Variants in TMEM123 observed in about 807,000 individuals in gnomAD.
The protein encoded by TMEM123 is transmembrane protein 123, also known as porimin.
Under a neutral mutation model 19.7 loss-of-function variants are expected in TMEM123, and 16 were observed. The observed-to-expected ratio is 0.81, with a 90% CI of 0.55 to 1.23. The LOEUF (loss-of-function observed/expected upper bound fraction) is 1.23. TMEM123 is among the 50% of genes most tolerant of loss of function. The probability of loss-of-function intolerance (pLI) is 0.00; values close to 1 mark genes in which losing one functional copy is unlikely to be tolerated. For synonymous variants in TMEM123, 118 were observed against 99.4 expected (o/e 1.19, Z -1.12); for missense variants, 313 against 257.8 (o/e 1.21, Z -1.47).
At chr11:102,400,693 A>G (rs1951905182) in intron 4 of TMEM123, among the ~76,000 whole-genome samples, 1 of 152,216 alleles carries the variant, frequency 6.6e-6, no homozygotes, top group Non-Finnish European at 1.5e-5. Flanking sequence ...CGTGAACAGA[A>G]TTAATACCCT....
intron 2 of TMEM123, 63 bp downstream of exon 2, chr11:102,448,749 C>G: frequency 6.6e-7 from 1 of 1,515,648 alleles, no homozygotes; most frequent in East Asian, 2.3e-5. Flanking sequence ...ACTTCCCTGG[C>G]TGTTATTACT....
intron 2 of TMEM123, among the ~76,000 whole-genome samples, chr11:102,415,940 A>C (rs942548874): frequency 2.6e-5 from 4 of 151,918 alleles, no homozygotes; most frequent in African/African-American, 9.7e-5. Flanking sequence ...TTTGAGATGG[A>C]GTCTTGCTCT....
intron 2 of TMEM123, among the ~76,000 whole-genome samples, chr11:102,439,684 C>G (rs1004897897): frequency 2.0e-5 from 3 of 152,200 alleles, no homozygotes; most frequent in Non-Finnish European, 4.4e-5. Flanking sequence ...CAGAACAAAG[C>G]TGGACGGAGA....
At chr11:102,439,730 CGATCG>C (rs1302018904) in intron 2 of TMEM123, among the ~76,000 whole-genome samples, 1 of 152,142 alleles carries the variant, frequency 6.6e-6, no homozygotes, top group Non-Finnish European at 1.5e-5. Context: ...AGGCTTCAGA[CGATCG>C]GTAATAACAA....
In TMEM123 at chr11:102,401,531, A is replaced by T; in HGVS notation, c.602+8T>A. ...TTTTTTAAAAAGTCCTGGCCATTCA[A>T]AACTTACATGGTTCGATACCGAATG... On this transcript the variant is annotated splice_region_variant and intron_variant, in intron 4 of 4. Coordinates refer to ENST00000398136, the MANE Select transcript of TMEM123 (RefSeq NM_052932.3). 1 of 1,556,618 alleles carries T rather than the reference A, an allele frequency of 6.4e-7. No individual in the cohort carries two copies. Among genetic ancestry groups the T allele is most frequent in the Non-Finnish European group, 8.6e-7 (1 of 1,161,484 alleles).
At chr11:102,451,954 G>A (rs1418719159) in intron 1 of TMEM123, among the ~76,000 whole-genome samples, 1 of 152,208 alleles carries the variant, frequency 6.6e-6, no homozygotes, top group Admixed American at 6.5e-5. Flanking sequence ...GCGAGGGCGG[G>A]GCGCGCTCCC....
chr11:102,407,142 A>T (rs1008583893), intron 2 of TMEM123, among the ~76,000 whole-genome samples: 2 of 152,216 alleles, frequency 1.3e-5, no homozygotes, highest in African/African-American at 4.8e-5. Flanking sequence ...GCCTGATTCC[A>T]TAAGGGTGGC....
intron 2 of TMEM123, among the ~76,000 whole-genome samples, chr11:102,425,416 G>A (rs1353826366): frequency 6.6e-6 from 1 of 152,092 alleles, no homozygotes; most frequent in African/African-American, 2.4e-5. Flanking sequence ...CTTCTTTTGA[G>A]CATAGACCCA....
At chr11:102,404,921 TAACTGTC>T (rs1259597762) in intron 2 of TMEM123, among the ~76,000 whole-genome samples, 23 of 152,216 alleles carry the variant, frequency 1.5e-4, no homozygotes, top group African/African-American at 5.3e-4. Context: ...ATTTTTGACT[TAACTGTC>T]AAAACAAGTT....
In TMEM123 at chr11:102,452,752, C is replaced by T. The variant is rs762045613; in HGVS notation, c.-129G>A. 63 of 680,844 alleles carry T rather than the reference C, an allele frequency of 9.3e-5. No individual in the cohort carries two copies. Among genetic ancestry groups the T allele is most frequent in the Admixed American group, 4.4e-5 (1 of 22,814 alleles). The allele number at this position is 680,844 out of a possible 1,614,324, so 42.2% of individuals were successfully genotyped here. A position where few individuals can be genotyped will look rare whatever the true frequency, so the allele number is the denominator to read the frequency against. On this transcript the variant is annotated 5_prime_UTR_variant, in exon 1 of 5. Transcript: ENST00000398136. ...GCCGCGCACGTTTCCCCTCCCGCCG[C>T]TTGCCCCCCGAATGACCAAATAGGG...
chr11:102,429,171 G>T (rs945770996), intron 2 of TMEM123, among the ~76,000 whole-genome samples: 2 of 152,114 alleles, frequency 1.3e-5, no homozygotes, highest in South Asian at 4.2e-4. Flanking sequence ...AGCCACACTA[G>T]ATCTAGTTCA....
chr11:102,437,995 CT>C (rs1316893329), intron 2 of TMEM123, among the ~76,000 whole-genome samples: 1 of 152,106 alleles, frequency 6.6e-6, no homozygotes, highest in African/African-American at 2.4e-5. Flanking sequence ...TTCCTAGTCA[CT>C]TTTTTCCACA....
At chr11:102,411,713 G>T (rs1323005759) in intron 2 of TMEM123, among the ~76,000 whole-genome samples, 1 of 151,924 alleles carries the variant, frequency 6.6e-6, no homozygotes, top group African/African-American at 2.4e-5. Flanking sequence ...TCTGGTGTCG[G>T]AAGTGCCGTA....
Position 102,424,236 on chromosome 11 carries a change from CCT to C in TMEM123, c.158-22032_158-22031del, listed in dbSNP as rs143117534. ...AGACCCCTACGTATTTATAAAGAAACCTCTGAGCATGTAACTGTCTCACAAGA... is the reference window on the plus strand; with the variant it reads ...AGACCCCTACGTATTTATAAAGAAACCTGAGCATGTAACTGTCTCACAAGA... On this transcript the variant is annotated intron_variant, in intron 2 of 4. Transcript: ENST00000398136. Among the ~76,000 whole-genome samples, 559 of 152,298 alleles carry C rather than the reference CCT, an allele frequency of 3.7e-3. 1 individual carries two copies. Among genetic ancestry groups the C allele is most frequent in the African/African-American group, 0.013 (543 of 41,556 alleles).
At chr11:102,443,637 C>T (rs960061705) in intron 2 of TMEM123, among the ~76,000 whole-genome samples, 21 of 152,058 alleles carry the variant, frequency 1.4e-4, no homozygotes, top group East Asian at 7.7e-4. Context: ...CAGGCATGGG[C>T]GAGGACTTCA....
intron 2 of TMEM123, among the ~76,000 whole-genome samples, chr11:102,428,013 G>T (rs770180561): frequency 2.0e-5 from 3 of 151,896 alleles, no homozygotes; most frequent in African/African-American, 7.3e-5. Flanking sequence ...ATATAAACTT[G>T]CTGGAAGGAA....
intron 2 of TMEM123, among the ~76,000 whole-genome samples, chr11:102,443,488 G>C (rs945180942): frequency 1.3e-5 from 2 of 152,178 alleles, no homozygotes; most frequent in Non-Finnish European, 2.9e-5. Context: ...AAACTGGCTA[G>C]CCATATGTAG....
chr11:102,403,248 G>T (rs1006291618), intron 2 of TMEM123, among the ~76,000 whole-genome samples: 6 of 152,208 alleles, frequency 3.9e-5, no homozygotes, highest in Non-Finnish European at 8.8e-5. Context: ...GACTTCAAGT[G>T]ATCTGCTCGC....
chr11:102,440,645 C>A (rs572652823), intron 2 of TMEM123, among the ~76,000 whole-genome samples: 1 of 152,158 alleles, frequency 6.6e-6, no homozygotes. Flanking sequence ...CATTAACTAA[C>A]GAGCAAAATA....
Sources: gnomAD v4.1 joint callset for allele counts (sites outside exome capture counted in the v4.1 genomes callset) on GRCh38, gnomAD v4.1.1 for gene constraint, MANE v1.5 for transcripts, NCBI Gene and HGNC (gene_info 2026-07-23, HGNC 2026-07-21) for gene names.